Variants in OPCML observed in about 807,000 individuals in gnomAD.
OPCML encodes the protein opioid-binding protein/cell adhesion molecule.
OPCML carries 13 observed loss-of-function variants against 37.8 expected under a neutral mutation model. The ratio of observed to expected loss-of-function variants is 0.34; its 90% CI spans 0.22 to 0.55. The LOEUF (loss-of-function observed/expected upper bound fraction) is 0.55, where lower values mean the gene tolerates loss of function less well. OPCML is among the 20% of genes least tolerant of loss of function. The pLI is 0.91. For missense variants in OPCML, 341 were observed against 435.6 expected (o/e 0.78, Z 1.93); for synonymous variants, 176 against 168.8 (o/e 1.04, Z -0.33).
intron 1 of OPCML, among the ~76,000 whole-genome samples, chr11:133,153,994 G>T (rs955917425): frequency 2.6e-5 from 4 of 151,580 alleles, no homozygotes; most frequent in Admixed American, 2.6e-4. Context: ...AGGACCCTGG[G>T]TGAGAAGAAG....
At chr11:132,641,708 G>A (rs941469451) in intron 3 of OPCML, among the ~76,000 whole-genome samples, 21 of 152,138 alleles carry the variant, frequency 1.4e-4, no homozygotes, top group African/African-American at 5.1e-4. Context: ...TCCTGCTGTG[G>A]GGACATTTTG....
chr11:133,023,680 A>T (rs1947495546), intron 1 of OPCML, among the ~76,000 whole-genome samples: 1 of 152,228 alleles, frequency 6.6e-6, no homozygotes, highest in Non-Finnish European at 1.5e-5. Flanking sequence ...ATTCAAATTT[A>T]GTTAAGAGTA....
At chr11:132,950,346 T>C (rs1778768083) in intron 1 of OPCML, among the ~76,000 whole-genome samples, 1 of 152,092 alleles carries the variant, frequency 6.6e-6, no homozygotes, top group South Asian at 2.1e-4. Flanking sequence ...GAATAGTAGT[T>C]AGGACTTCCT....
intron 1 of OPCML, among the ~76,000 whole-genome samples, chr11:133,102,705 G>A (rs1414177141): frequency 2.6e-5 from 4 of 152,132 alleles, no homozygotes; most frequent in South Asian, 4.1e-4. Flanking sequence ...AGCTGAGATC[G>A]CCCCACTGCA....
At chr11:132,862,761 G>A (rs745520465) in intron 2 of OPCML, among the ~76,000 whole-genome samples, 15 of 152,166 alleles carry the variant, frequency 9.9e-5, no homozygotes, top group Non-Finnish European at 2.2e-4. Flanking sequence ...CCTCATCACT[G>A]TGAGTTACAG....
intron 1 of OPCML, among the ~76,000 whole-genome samples, chr11:133,294,787 C>CT (rs5795836): frequency 0.61 from 65,779 of 108,670 alleles, 18,608 homozygotes; most frequent in East Asian, 0.82. Context: ...CAGAAACTTT[C>CT]TTTTTTTTTT....
chr11:132,581,059 CA>C (rs2096461120), intron 3 of OPCML, among the ~76,000 whole-genome samples: 1 of 152,104 alleles, frequency 6.6e-6, no homozygotes, highest in Admixed American at 6.6e-5. Flanking sequence ...ACAGCATTTT[CA>C]GTCTTTAAAA....
At chr11:133,350,246 T>C (rs1045438870) in intron 1 of OPCML, among the ~76,000 whole-genome samples, 3 of 152,244 alleles carry the variant, frequency 2.0e-5, no homozygotes, top group African/African-American at 7.2e-5. Context: ...GCCACTGGGA[T>C]CTTCCCACAG....
chr11:132,888,359 G>A (rs965241374), intron 2 of OPCML, among the ~76,000 whole-genome samples: 1 of 152,150 alleles, frequency 6.6e-6, no homozygotes, highest in Non-Finnish European at 1.5e-5. Context: ...CTAGAGATCA[G>A]AGGCTGTGCG....
chr11:133,519,520 T>C (rs1005597705), intron 1 of OPCML, among the ~76,000 whole-genome samples: 4 of 152,202 alleles, frequency 2.6e-5, no homozygotes, highest in African/African-American at 9.6e-5. Flanking sequence ...AAAATAATCA[T>C]GAACAGTTGA....
At chr11:132,993,213 G>A (rs1478692302) in intron 1 of OPCML, among the ~76,000 whole-genome samples, 1 of 152,162 alleles carries the variant, frequency 6.6e-6, no homozygotes, top group African/African-American at 2.4e-5. Flanking sequence ...CCCACCCGAG[G>A]TTTGCATACA....
chr11:132,612,351 A>T lies in OPCML; in HGVS notation c.379+44736T>A, dbSNP rs373074171. 6.6e-5 allele frequency among the ~76,000 whole-genome samples: 10 copies of T among 152,354 alleles called. No homozygotes were observed. In the East Asian group the frequency reaches 1.2e-3, roughly 18 times the overall value. ...TAAGTTTGTAATATAAATAACTGAT[A>T]TTATAGATATTAAAATTAATACAGC... On this transcript the variant is annotated intron_variant, in intron 3 of 7. Transcript: ENST00000524381.
chr11:133,156,726 G>A (rs935505830), intron 1 of OPCML, among the ~76,000 whole-genome samples: 1 of 152,164 alleles, frequency 6.6e-6, no homozygotes, highest in African/African-American at 2.4e-5. Flanking sequence ...CTATTAAATG[G>A]TGTCCCTTGG....
At chr11:132,918,506 G>A (rs1944682364) in intron 2 of OPCML, among the ~76,000 whole-genome samples, 1 of 152,186 alleles carries the variant, frequency 6.6e-6, no homozygotes, top group African/African-American at 2.4e-5. Flanking sequence ...GCACTTTACT[G>A]TCTGGGAAAC....
At chr11:132,683,055 T>C (rs1943020003) in intron 2 of OPCML, among the ~76,000 whole-genome samples, 1 of 152,172 alleles carries the variant, frequency 6.6e-6, no homozygotes, top group African/African-American at 2.4e-5. Context: ...ACAACTTATA[T>C]CTAAGTGGTT....
rs79083902 is a variant in OPCML at position 132,635,030 on chromosome 11, T to C, written c.379+22057A>G. Among the ~76,000 whole-genome samples, 466 of 152,276 alleles carry C rather than the reference T, an allele frequency of 3.1e-3. 3 individuals carry two copies. The highest frequency in any genetic ancestry group is 0.011 in the African/African-American group (439 of 41,562). ...GAGATTTTAGTAGTTTTAAGATTTG[T>C]GCAATTGTGTTTGGAAATCCAATAT... On this transcript the variant is annotated intron_variant, in intron 3 of 7. Transcript: ENST00000524381.
At chr11:133,470,486 G>T (rs1163440885) in intron 1 of OPCML, among the ~76,000 whole-genome samples, 1 of 152,200 alleles carries the variant, frequency 6.6e-6, no homozygotes. Flanking sequence ...TCACACAGCT[G>T]GTCCCAGACA....
At chr11:133,189,620 T>C (rs1448618582) in intron 1 of OPCML, among the ~76,000 whole-genome samples, 1 of 152,222 alleles carries the variant, frequency 6.6e-6, no homozygotes, top group African/African-American at 2.4e-5. Flanking sequence ...ATATCAGATA[T>C]CTGGTCTACA....
intron 1 of OPCML, among the ~76,000 whole-genome samples, chr11:133,091,907 T>C (rs1007392857): frequency 1.3e-5 from 2 of 152,168 alleles, no homozygotes; most frequent in African/African-American, 2.4e-5. Flanking sequence ...ATATTTTTCA[T>C]GTGAGGACAT....
Sources: gnomAD v4.1 joint callset for allele counts (sites outside exome capture counted in the v4.1 genomes callset) on GRCh38, gnomAD v4.1.1 for gene constraint, MANE v1.5 for transcripts, NCBI Gene and HGNC (gene_info 2026-07-23, HGNC 2026-07-21) for gene names.